RASA3: variants seen among roughly 807,000 people sequenced by gnomAD.
RASA3 encodes the protein ras GTPase-activating protein 3.
Under a neutral mutation model 110.0 loss-of-function variants are expected in RASA3, and 73 were observed. The ratio of observed to expected loss-of-function variants is 0.66; its 90% CI spans 0.55 to 0.81. RASA3 has a LOEUF of 0.81. Ranked by LOEUF, RASA3 falls within the 30% of genes least tolerant of loss-of-function variation. RASA3 has a pLI of 0.00. For synonymous variants in RASA3, 500 were observed against 451.4 expected, an observed-to-expected ratio of 1.11 and a Z score of -1.37; for missense variants, 976 against 1,113.2, an observed-to-expected ratio of 0.88 and a Z score of 1.75.
intron 1 of RASA3, among the ~76,000 whole-genome samples, chr13:114,079,408 C>T (rs748241145): frequency 2.0e-4 from 30 of 152,170 alleles, no homozygotes; most frequent in Non-Finnish European, 1.8e-4. Flanking sequence ...GGAGGAAGTG[C>T]GGCTCTCAAG....
intron 2 of RASA3, among the ~76,000 whole-genome samples, chr13:114,064,872 A>G (rs1052147546): frequency 2.6e-5 from 4 of 152,366 alleles, no homozygotes; most frequent in African/African-American, 9.6e-5. Flanking sequence ...TTCCAAATAA[A>G]GAAAAAGTGC....
intron 1 of RASA3, among the ~76,000 whole-genome samples, chr13:114,089,881 C>T (rs2079869942): frequency 7.1e-6 from 1 of 141,026 alleles, no homozygotes; most frequent in Admixed American, 7.6e-5. Flanking sequence ...CTGGACATTT[C>T]ATGGAATGGG....
chr13:114,124,075 C>T (rs947021434), intron 1 of RASA3, among the ~76,000 whole-genome samples: 2 of 152,164 alleles, frequency 1.3e-5, no homozygotes, highest in Non-Finnish European at 2.9e-5. Context: ...CCCAGAAGCC[C>T]GGCACGGTGT....
intron 1 of RASA3, among the ~76,000 whole-genome samples, chr13:114,098,048 G>T (rs2079968824): frequency 6.6e-6 from 1 of 152,192 alleles, no homozygotes; most frequent in African/African-American, 2.4e-5. Flanking sequence ...CACGCCGAGG[G>T]GCTACAGCCC....
At chr13:114,062,001 G>A (rs926150336) in intron 2 of RASA3, among the ~76,000 whole-genome samples, 1 of 152,134 alleles carries the variant, frequency 6.6e-6, no homozygotes, top group Non-Finnish European at 1.5e-5. Context: ...CCCACGGTGG[G>A]CAGAAAAGGC....
intron 7 of RASA3, among the ~76,000 whole-genome samples, chr13:114,025,879 C>A (rs1402831482): frequency 6.6e-6 from 1 of 152,190 alleles, no homozygotes; most frequent in African/African-American, 2.4e-5. Flanking sequence ...CAGCCTCCAG[C>A]TGGGTCAGAA....
At chr13:114,015,485 G>A (rs1299292300) in intron 13 of RASA3, among the ~76,000 whole-genome samples, 153 bp from the exon 14 acceptor site, 1 of 152,228 alleles carries the variant, frequency 6.6e-6, no homozygotes, top group Admixed American at 6.5e-5. Flanking sequence ...GCCACTCCCT[G>A]GAAATCTGTG....
chr13:114,078,176 G>A (rs1162874443), intron 1 of RASA3, among the ~76,000 whole-genome samples: 1 of 152,204 alleles, frequency 6.6e-6, no homozygotes, highest in Non-Finnish European at 1.5e-5. Flanking sequence ...CCAGGACCGA[G>A]CCTCTCCCTG....
chr13:114,080,121 G>A, intron 1 of RASA3, among the ~76,000 whole-genome samples: 1 of 152,216 alleles, frequency 6.6e-6, no homozygotes, highest in Non-Finnish European at 1.5e-5. Flanking sequence ...CGCTCAGGAG[G>A]GGCAGAGGCC....
chr13:114,130,123 C>A (rs116963167), intron 1 of RASA3, among the ~76,000 whole-genome samples: 1,767 of 152,350 alleles, frequency 0.012, 96 homozygotes, highest in Admixed American at 0.081. Flanking sequence ...TTACATGAGA[C>A]TAACCCCAAA....
chr13:114,023,632 G>A (rs750981200), intron 8 of RASA3, among the ~76,000 whole-genome samples: 3 of 152,238 alleles, frequency 2.0e-5, no homozygotes, highest in African/African-American at 4.8e-5. Flanking sequence ...CAGCGGGATC[G>A]TGGGGCTCTC....
At chr13:114,050,415 C>T (rs2079125113) in intron 3 of RASA3, among the ~76,000 whole-genome samples, 1 of 152,268 alleles carries the variant, frequency 6.6e-6, no homozygotes, top group African/African-American at 2.4e-5. Context: ...CCATGTGACC[C>T]ATTCCATGTA....
chr13:114,100,103 C>T (rs1237021469), intron 1 of RASA3, among the ~76,000 whole-genome samples: 2 of 150,900 alleles, frequency 1.3e-5, no homozygotes, highest in Non-Finnish European at 3.0e-5. Flanking sequence ...AGAGACCACA[C>T]TGCCACACCT....
chr13:113,998,348 A>G (rs2053304465), intron 20 of RASA3, among the ~76,000 whole-genome samples: 1 of 152,034 alleles, frequency 6.6e-6, no homozygotes, highest in African/African-American at 2.4e-5. Flanking sequence ...CTCCAAACTT[A>G]TGCCTTTTGC....
intron 2 of RASA3, among the ~76,000 whole-genome samples, chr13:114,060,545 A>G (rs972992789): frequency 8.5e-5 from 13 of 152,202 alleles, no homozygotes; most frequent in African/African-American, 3.1e-4. Flanking sequence ...ACAGGAATTC[A>G]GTTCTGGCAG....
chr13:114,019,102 T>C (rs984098571), intron 9 of RASA3, among the ~76,000 whole-genome samples, 183 bp from the exon 10 acceptor site: 1 of 147,342 alleles, frequency 6.8e-6, no homozygotes, highest in African/African-American at 2.5e-5. Flanking sequence ...TCACCGGGGA[T>C]CCCCAGGAGG....
intron 1 of RASA3, among the ~76,000 whole-genome samples, chr13:114,120,963 G>A (rs1438392782): frequency 6.6e-6 from 1 of 152,186 alleles, no homozygotes; most frequent in Non-Finnish European, 1.5e-5. Context: ...TGGCACAGCC[G>A]AGCTAGTCTT....
intron 17 of RASA3, 35 bp from the exon 18 acceptor site, chr13:114,007,641 G>A (rs780617277): frequency 1.9e-6 from 3 of 1,549,370 alleles, no homozygotes; most frequent in Middle Eastern, 1.7e-4. Flanking sequence ...CCGGGAGGAA[G>A]CCACACATCT....
chr13:114,050,497 G>A (rs899472924), intron 3 of RASA3, among the ~76,000 whole-genome samples: 2 of 152,248 alleles, frequency 1.3e-5, no homozygotes, highest in South Asian at 4.1e-4. Context: ...TGGGTACAGT[G>A]AACAACAGTC....
Sources: gnomAD v4.1 joint callset for allele counts (sites outside exome capture counted in the v4.1 genomes callset) on GRCh38, gnomAD v4.1.1 for gene constraint, MANE v1.5 for transcripts, NCBI Gene and HGNC (gene_info 2026-07-23, HGNC 2026-07-21) for gene names.